HIVEP1: variants seen among roughly 807,000 people sequenced by gnomAD.
HIVEP1 encodes the protein zinc finger protein 40.
A neutral mutation model predicts 180.0 loss-of-function variants in HIVEP1; 36 were observed. The observed-to-expected ratio is 0.20, with a 90% CI of 0.15 to 0.26. HIVEP1 has a LOEUF of 0.26. HIVEP1 is among the 10% of genes least tolerant of loss of function. HIVEP1 has a pLI of 1.00. For synonymous variants in HIVEP1, 1,239 were observed against 1,239.0 expected (o/e 1.00, Z 0.00); for missense variants, 3,143 against 3,268.7 (o/e 0.96, Z 0.94).
At chr6:12,059,348 C>T (rs1174442142) in intron 2 of HIVEP1, among the ~76,000 whole-genome samples, 2 of 152,038 alleles carry the variant, frequency 1.3e-5, no homozygotes, top group African/African-American at 4.8e-5. Context: ...AACATTCATA[C>T]TTTCTTATCC....
At chr6:12,020,200 C>T (rs766315436) in intron 2 of HIVEP1, 18 of 421,598 alleles carry the variant, frequency 4.3e-5, no homozygotes, top group African/African-American at 2.8e-4. Flanking sequence ...CTTGGCCCAG[C>T]GTTAAACCAG....
At position 12,123,506 on chromosome 6, in the gene HIVEP1, T is replaced by C; in HGVS notation, c.3711T>C (p.Ile1237=). ...VRQHNIQVPE[I]LVTEEPDRDL... Reference sequence around the variant, plus strand: ...AGCACAACATCCAAGTTCCAGAGATTTTGGTCACAGAAGAACCAGATCGAG... The same window carrying C: ...AGCACAACATCCAAGTTCCAGAGATCTTGGTCACAGAAGAACCAGATCGAG... Residue 1237 remains isoleucine, a synonymous_variant, in exon 4 of 9, where the codon ATT becomes ATC. Transcript: ENST00000379388. The C allele has an allele frequency of 6.2e-7, 1 of 1,614,054 alleles. No homozygotes were observed. The highest frequency in any genetic ancestry group is 2.2e-5 in the East Asian group (1 of 44,874).
intron 2 of HIVEP1, chr6:12,037,615 AATAG>A (rs963807878): frequency 7.4e-5 from 29 of 389,340 alleles, no homozygotes; most frequent in Middle Eastern, 6.5e-4. Flanking sequence ...TTGTATATGA[AATAG>A]ATAGTAGCAG....
At chr6:12,038,654 A>C (rs966177137) in intron 2 of HIVEP1, 6 of 152,410 alleles carry the variant, frequency 3.9e-5, no homozygotes, top group African/African-American at 1.4e-4. Flanking sequence ...CCTGGGCGAC[A>C]GGGCGAGACT....
intron 7 of HIVEP1, among the ~76,000 whole-genome samples, chr6:12,142,254 G>GTCACAA (rs1370426407): frequency 6.6e-6 from 1 of 152,138 alleles, no homozygotes; most frequent in African/African-American, 2.4e-5. Flanking sequence ...ACAACTACAT[G>GTCACAA]GAAACTGAAC....
At chr6:12,132,718 G>A (rs1400959690) in intron 6 of HIVEP1, among the ~76,000 whole-genome samples, 7 of 151,846 alleles carry the variant, frequency 4.6e-5, no homozygotes, top group Non-Finnish European at 1.0e-4. Flanking sequence ...CATTAAATTT[G>A]TTGTTTTGTA....
chr6:12,113,770 C>T (rs1436853967), intron 3 of HIVEP1, among the ~76,000 whole-genome samples: 10 of 152,078 alleles, frequency 6.6e-5, no homozygotes, highest in Non-Finnish European at 1.3e-4. Context: ...CATGCTGTTC[C>T]CTAACTGGAA....
chr6:12,118,152 T>TTA (rs397703801), intron 3 of HIVEP1, among the ~76,000 whole-genome samples: 11 of 151,724 alleles, frequency 7.3e-5, no homozygotes, highest in African/African-American at 2.7e-4. Context: ...TTTTTTTTTT[T>TTA]ATTATGGTGG....
At chr6:12,136,021 A>G in intron 7 of HIVEP1, 129 bp downstream of exon 7, 1 of 525,890 alleles carries the variant, frequency 1.9e-6, no homozygotes, top group Non-Finnish European at 3.4e-6. Context: ...TATGCAGTAG[A>G]CTCCTAATTA....
intron 2 of HIVEP1, among the ~76,000 whole-genome samples, chr6:12,016,982 C>G (rs147609318): frequency 6.6e-6 from 1 of 152,194 alleles, no homozygotes; most frequent in Non-Finnish European, 1.5e-5. Context: ...TGAGCAGCAG[C>G]CCTAGCCCAG....
chr6:12,061,600 T>TAATATATATA (rs1381851538), intron 2 of HIVEP1, among the ~76,000 whole-genome samples: 83 of 152,318 alleles, frequency 5.4e-4, no homozygotes, highest in African/African-American at 1.9e-3. Flanking sequence ...AGAGATGAAT[T>TAATATATATA]TTGAGAATTT....
At chr6:12,173,349 A>G in the HIVEP1 span, among the ~76,000 whole-genome samples, 1 of 152,178 alleles carries the variant, frequency 6.6e-6, no homozygotes, top group African/African-American at 2.4e-5. Context: ...AAAGAAGATA[A>G]TTATTTAAAC....
intron 2 of HIVEP1, among the ~76,000 whole-genome samples, chr6:12,087,452 T>C (rs746932523): frequency 1.6e-4 from 24 of 152,086 alleles, no homozygotes; most frequent in Middle Eastern, 3.2e-3. Context: ...ATAATACATA[T>C]ATATTATTTA....
chr6:12,022,810 A>G (rs1768329023), intron 2 of HIVEP1, among the ~76,000 whole-genome samples: 1 of 152,226 alleles, frequency 6.6e-6, no homozygotes, highest in Non-Finnish European at 1.5e-5. Flanking sequence ...TTGATTACTG[A>G]CATGTCCCAT....
At chr6:12,107,529 C>T (rs1156948749) in intron 3 of HIVEP1, among the ~76,000 whole-genome samples, 2 of 152,138 alleles carry the variant, frequency 1.3e-5, no homozygotes, top group Non-Finnish European at 2.9e-5. Context: ...CGGACCCTCA[C>T]GGTGAGTGTT....
downstream of HIVEP1, among the ~76,000 whole-genome samples, chr6:12,167,695 A>G (rs55690635): frequency 0.11 from 7,982 of 73,540 alleles, 992 homozygotes; most frequent in African/African-American, 0.3. Context: ...TAATATATAT[A>G]CATATATACA....
chr6:12,160,032 A>G (rs908133135), intron 7 of HIVEP1, among the ~76,000 whole-genome samples: 1 of 152,164 alleles, frequency 6.6e-6, no homozygotes, highest in Admixed American at 6.5e-5. Flanking sequence ...CTCTGTTTAC[A>G]TGTTTGTCTC....
At chr6:12,132,849 T>C (rs1055172426) in intron 6 of HIVEP1, among the ~76,000 whole-genome samples, 3 of 152,150 alleles carry the variant, frequency 2.0e-5, no homozygotes, top group African/African-American at 7.2e-5. Context: ...ACACTTCTCT[T>C]TTTTTTACGG....
chr6:12,202,891 T>C, the HIVEP1 span, among the ~76,000 whole-genome samples: 1 of 152,304 alleles, frequency 6.6e-6, no homozygotes, highest in Admixed American at 6.5e-5. Flanking sequence ...TTCTTTCAAT[T>C]GTTTTTGAAA....
Sources: allele counts gnomAD v4.1 joint callset (sites outside exome capture counted in the v4.1 genomes callset), GRCh38; gene constraint gnomAD v4.1.1; transcripts MANE v1.5; gene names NCBI Gene and HGNC (gene_info 2026-07-23, HGNC 2026-07-21).